The following TBC1D5 variants were observed in gnomAD, a reference collection of about 807,000 sequenced individuals.
The protein encoded by TBC1D5 is TBC1 domain family, member 5.
Under a neutral mutation model 100.3 loss-of-function variants are expected in TBC1D5, and 75 were observed. That is an observed-to-expected ratio of 0.75 (90% CI 0.62 to 0.91). TBC1D5 has a LOEUF of 0.91. Among genes scored for constraint, TBC1D5 ranks in the 40% least tolerant of loss-of-function variants. TBC1D5 has a pLI of 0.00. For synonymous variants in TBC1D5, 323 were observed against 325.6 expected (o/e 0.99, Z 0.09); for missense variants, 910 against 942.4 (o/e 0.97, Z 0.45).
intron 15 of TBC1D5, among the ~76,000 whole-genome samples, chr3:17,281,324 G>T (rs1027610477): frequency 1.3e-5 from 2 of 152,006 alleles, no homozygotes; most frequent in Non-Finnish European, 2.9e-5. Flanking sequence ...TTTAAAACCA[G>T]AAAAAAACAA....
intron 16 of TBC1D5, among the ~76,000 whole-genome samples, chr3:17,257,328 T>C (rs1267179413): frequency 1.3e-5 from 2 of 152,326 alleles, no homozygotes; most frequent in East Asian, 3.9e-4. Context: ...GTAAGACTAC[T>C]GAAGGCAGGG....
chr3:17,195,758 T>C (rs1173221063), intron 18 of TBC1D5, among the ~76,000 whole-genome samples: 6 of 145,410 alleles, frequency 4.1e-5, no homozygotes, highest in Non-Finnish European at 7.4e-5. Flanking sequence ...TTCTTTCTTT[T>C]TTTTTTTTTT....
intron 18 of TBC1D5, among the ~76,000 whole-genome samples, chr3:17,187,340 G>C (rs2069259438): frequency 6.6e-6 from 1 of 152,172 alleles, no homozygotes; most frequent in Non-Finnish European, 1.5e-5. Flanking sequence ...TTAGAAGCTA[G>C]CTACCATGCT....
intron 1 of TBC1D5, among the ~76,000 whole-genome samples, chr3:17,727,980 T>G (rs1480418271): frequency 6.6e-6 from 1 of 152,206 alleles, no homozygotes; most frequent in Non-Finnish European, 1.5e-5. Context: ...AATATTTTGA[T>G]ACTAGAAAAA....
chr3:17,663,753 G>A (rs750503287), intron 1 of TBC1D5, among the ~76,000 whole-genome samples: 1 of 152,126 alleles, frequency 6.6e-6, no homozygotes, highest in Non-Finnish European at 1.5e-5. Context: ...TTTGACTGTA[G>A]TAGTATATGT....
chr3:17,699,620 T>A (rs1395248398), intron 1 of TBC1D5, among the ~76,000 whole-genome samples: 4 of 144,456 alleles, frequency 2.8e-5, no homozygotes, highest in Non-Finnish European at 3.0e-5. Flanking sequence ...TGATACAGAT[T>A]TATTCTCAAT....
intron 15 of TBC1D5, among the ~76,000 whole-genome samples, chr3:17,275,681 ATGAAATAAGATGTC>A (rs2079916279): frequency 6.6e-6 from 1 of 152,226 alleles, no homozygotes; most frequent in Non-Finnish European, 1.5e-5. Context: ...TATATATCTA[ATGAAATAAGATGTC>A]AATCAAAAGG....
In TBC1D5 at chr3:17,373,626, G is replaced by A. The variant is rs577123980; in HGVS notation, c.822+845C>T. On this transcript the variant is annotated intron_variant, in intron 12 of 21. Coordinates refer to ENST00000253692, the Ensembl canonical transcript of TBC1D5. ...ATAACCCAAATGTCCATCGACTGATGTATGGATAAACAAAATGTGGTATAT... is the reference window on the plus strand; with the variant it reads ...ATAACCCAAATGTCCATCGACTGATATATGGATAAACAAAATGTGGTATAT... 1.4e-3 allele frequency among the ~76,000 whole-genome samples: 219 copies of A among 152,224 alleles called. 1 individual carries two copies. The highest frequency in any genetic ancestry group is 4.8e-3 in the Admixed American group (73 of 15,278).
At chr3:17,266,285 C>T (rs2078839814) in intron 15 of TBC1D5, among the ~76,000 whole-genome samples, 2 of 152,068 alleles carry the variant, frequency 1.3e-5, no homozygotes, top group South Asian at 4.1e-4. Flanking sequence ...CGTTATAATC[C>T]CACATGCTCT....
chr3:17,719,098 T>G (rs915307821), intron 1 of TBC1D5, among the ~76,000 whole-genome samples: 1 of 152,140 alleles, frequency 6.6e-6, no homozygotes, highest in Non-Finnish European at 1.5e-5. Context: ...ATTGATCCTC[T>G]CAATACTGCA....
At chr3:17,627,660 G>GT (rs796752243) in intron 1 of TBC1D5, among the ~76,000 whole-genome samples, 201 of 145,536 alleles carry the variant, frequency 1.4e-3, no homozygotes, top group Middle Eastern at 3.5e-3. Context: ...AATATTCTGG[G>GT]TTTTTTTTTT....
rs999120604 is a variant in TBC1D5, at chr3:17,633,540, GA to G, written c.-100-9628del. Among the ~76,000 whole-genome samples the G allele has an allele frequency of 2.6e-3, 387 of 150,732 alleles. 4 individuals carry two copies. The highest frequency in any genetic ancestry group is 9.7e-4 in the East Asian group (5 of 5,158). On this transcript the variant is annotated intron_variant, in intron 1 of 21. Transcript: ENST00000253692. The stretch of plus-strand genomic sequence containing the variant: ...AGGCTAAAACTTAAGACTCTAAGAT[GA>G]AAAAAAAATAATAATGCTGTTAATC...
In TBC1D5 at chr3:17,455,775, T is replaced by G. The variant is rs899008649; in HGVS notation, c.98-27256A>C. On this transcript the variant is annotated intron_variant, in intron 3 of 21. Transcript: ENST00000253692. ...AATTCCTTGAGGCTGGGAGGCAGAG[T>G]TGCAGGCAGCTGAGACTGCACTACT... Among the ~76,000 whole-genome samples, 4 of 152,024 alleles carry G rather than the reference T, an allele frequency of 2.6e-5. No individual in the cohort carries two copies. The East Asian group carries it at 7.7e-4, about 29-fold the overall frequency.
intron 14 of TBC1D5, among the ~76,000 whole-genome samples, chr3:17,297,420 C>CA (rs1322756026): frequency 2.0e-5 from 3 of 151,818 alleles, no homozygotes; most frequent in African/African-American, 7.2e-5. Context: ...ACTAAAAATA[C>CA]AAAAAAAGAG....
At chr3:17,423,926 T>C (rs2094278315) in intron 4 of TBC1D5, among the ~76,000 whole-genome samples, 1 of 152,160 alleles carries the variant, frequency 6.6e-6, no homozygotes, top group Non-Finnish European at 1.5e-5. Flanking sequence ...CTAAATTGAC[T>C]ATTAAGCCAA....
intron 3 of TBC1D5, among the ~76,000 whole-genome samples, chr3:17,485,993 T>C (rs987003156): frequency 3.3e-5 from 5 of 152,016 alleles, no homozygotes. Flanking sequence ...CCACATCCTC[T>C]CCAGCACCTG....
chr3:17,618,840 C>T (rs943935054), intron 2 of TBC1D5, among the ~76,000 whole-genome samples: 8 of 152,332 alleles, frequency 5.3e-5, no homozygotes, highest in South Asian at 2.1e-4. Context: ...GGGAAATCCT[C>T]GACCCCTTGC....
intron 18 of TBC1D5, among the ~76,000 whole-genome samples, chr3:17,208,367 T>A (rs77249794): frequency 6.6e-6 from 1 of 152,346 alleles, no homozygotes; most frequent in East Asian, 1.9e-4. Context: ...GCATTGACAA[T>A]ACATATATAT....
At chr3:17,339,113 T>TG (rs1246162394) in intron 13 of TBC1D5, among the ~76,000 whole-genome samples, 11 of 152,368 alleles carry the variant, frequency 7.2e-5, no homozygotes, top group African/African-American at 2.6e-4. Flanking sequence ...CAATTGTGGT[T>TG]GTCTGAGGTC....
Sources: gnomAD v4.1 joint callset for allele counts (sites outside exome capture counted in the v4.1 genomes callset) on GRCh38, gnomAD v4.1.1 for gene constraint, MANE v1.5 for transcripts, NCBI Gene and HGNC (gene_info 2026-07-23, HGNC 2026-07-21) for gene names.